PTPRJ: variants seen among roughly 807,000 people sequenced by gnomAD.
PTPRJ encodes receptor-type tyrosine-protein phosphatase eta.
Under a neutral mutation model 141.3 loss-of-function variants are expected in PTPRJ, and 129 were observed. The ratio of observed to expected loss-of-function variants is 0.91; its 90% CI spans 0.79 to 1.06. PTPRJ has a LOEUF of 1.06. PTPRJ is among the 50% of genes least tolerant of loss of function. The pLI is 0.00. For synonymous variants in PTPRJ, 610 were observed against 640.5 expected (o/e 0.95, Z 0.72); for missense variants, 1,601 against 1,679.7 (o/e 0.95, Z 0.82).
chr11:48,164,925 C>T (rs899231034), intron 24 of PTPRJ, among the ~76,000 whole-genome samples: 2 of 152,132 alleles, frequency 1.3e-5, no homozygotes, highest in Non-Finnish European at 2.9e-5. Flanking sequence ...AATATGTCAC[C>T]CTTCCAGATC....
In PTPRJ at chr11:48,144,899, G is replaced by T; in HGVS notation, c.2786+14G>T. ...GGGCTCCTACCGGTAATGTCTTCTG[G>T]TTCTTACTCTTTGGGGGCTGAGCCT... On this transcript the variant is annotated intron_variant, in intron 13 of 24. Transcript: ENST00000418331. 1 of 1,614,000 alleles carries T rather than the reference G, an allele frequency of 6.2e-7. No individual in the cohort carries two copies. Among genetic ancestry groups the T allele is most frequent in the Non-Finnish European group, 8.5e-7 (1 of 1,179,946 alleles).
intron 1 of PTPRJ, among the ~76,000 whole-genome samples, chr11:48,035,806 A>G (rs1854110720): frequency 1.3e-5 from 2 of 152,182 alleles, no homozygotes; most frequent in Non-Finnish European, 2.9e-5. Context: ...GAATTAGAGC[A>G]TGGAATTAAG....
chr11:48,087,002 G>GTAA (rs955765181), intron 1 of PTPRJ, among the ~76,000 whole-genome samples: 68 of 152,118 alleles, frequency 4.5e-4, no homozygotes, highest in African/African-American at 1.5e-3. Context: ...TGACTCAATA[G>GTAA]TAATAATAAT....
At chr11:48,049,619 C>CA (rs1211089541) in intron 1 of PTPRJ, among the ~76,000 whole-genome samples, 1 of 149,290 alleles carries the variant, frequency 6.7e-6, no homozygotes, top group Admixed American at 6.7e-5. Flanking sequence ...GAGGCTGAGG[C>CA]AGGAGAATCG....
rs778137434 is a variant in PTPRJ at position 48,121,173 on chromosome 11, G to A, written c.523G>A (p.Gly175Ser). ...VVHQPWCNIT[G>S]LRPATSYVFS... ...GCATCAACCATGGTGTAACATCACA[G>A]GCTTACGTCCAGCGACTTCATATGT... Residue 175 changes from glycine (G) to serine (S), a missense_variant, in exon 4 of 25, where the codon GGC (glycine) becomes AGC (serine). Gly to Ser is a moderately conservative substitution (Grantham distance 56). Coordinates refer to ENST00000418331, the MANE Select transcript of PTPRJ (RefSeq NM_002843.4). The A allele has an allele frequency of 1.2e-6, 2 of 1,614,120 alleles. No individual in the cohort carries two copies. Among genetic ancestry groups the A allele is most frequent in the Admixed American group, 3.3e-5 (2 of 60,020 alleles).
chr11:48,078,051 T>TC (rs920217203), intron 1 of PTPRJ, among the ~76,000 whole-genome samples: 153 of 152,122 alleles, frequency 1.0e-3, no homozygotes, highest in African/African-American at 3.5e-3. Context: ...TCAGTGTTTT[T>TC]TTTTTCTTTT....
intron 1 of PTPRJ, among the ~76,000 whole-genome samples, chr11:48,076,644 G>A (rs1261813579): frequency 6.6e-6 from 1 of 152,106 alleles, no homozygotes; most frequent in Admixed American, 6.5e-5. Flanking sequence ...TGTAGGAATT[G>A]GCATCAATGG....
At chr11:48,092,294 CAA>C (rs3971621) in intron 1 of PTPRJ, among the ~76,000 whole-genome samples, 2,605 of 46,768 alleles carry the variant, frequency 0.056, 5 homozygotes, top group Middle Eastern at 0.075. Flanking sequence ...GATTTCATCT[CAA>C]AAAAAAAAAA....
rs1483178377 is a variant in PTPRJ, at chr11:47,980,631, T to G, written c.-282T>G. The G allele has an allele frequency of 2.0e-6, 2 of 982,618 alleles. No individual in the cohort carries two copies. The highest frequency in any genetic ancestry group is 2.4e-6 in the Non-Finnish European group (2 of 829,558). The allele number at this position is 982,618 out of a possible 1,614,324, so 60.9% of individuals were successfully genotyped here. ...GAGCCGGGACCGGGTAGCCGCGCGC[T>G]GGGGGTGGGCGCCGCTCGCTCCGCC... On this transcript the variant is annotated 5_prime_UTR_variant, in exon 1 of 25. Transcript: ENST00000418331.
chr11:48,077,838 T>A (rs1187525666), intron 1 of PTPRJ, among the ~76,000 whole-genome samples: 1 of 152,240 alleles, frequency 6.6e-6, no homozygotes, highest in East Asian at 1.9e-4. Flanking sequence ...TCCAGCGATT[T>A]GTAACCTTGT....
intron 1 of PTPRJ, among the ~76,000 whole-genome samples, chr11:48,045,889 G>A (rs1368448424): frequency 3.3e-5 from 5 of 152,254 alleles, no homozygotes; most frequent in South Asian, 4.1e-4. Context: ...CCTCCTGATC[G>A]TGTTCAACCA....
At chr11:48,020,801 T>G (rs1001316273) in intron 1 of PTPRJ, among the ~76,000 whole-genome samples, 2 of 152,066 alleles carry the variant, frequency 1.3e-5, no homozygotes, top group African/African-American at 4.8e-5. Flanking sequence ...GATGGGCAAA[T>G]GCACTAAGAA....
chr11:48,082,588 G>A (rs564838112), intron 1 of PTPRJ, among the ~76,000 whole-genome samples: 1 of 145,736 alleles, frequency 6.9e-6, no homozygotes, highest in African/African-American at 2.5e-5. Flanking sequence ...TAGAGACAGG[G>A]TCTCATTATG....
chr11:48,068,824 T>G (rs1339395014), intron 1 of PTPRJ, among the ~76,000 whole-genome samples: 1 of 152,206 alleles, frequency 6.6e-6, no homozygotes, highest in Non-Finnish European at 1.5e-5. Context: ...TTTGCTCATG[T>G]GTGAAATGTA....
Position 48,144,845 on chromosome 11 carries a change from G to A in PTPRJ, c.2746G>A (p.Gly916Ser). ...CGTTGGGAATGAGTCAACCACACTT[G>A]GTTATTACAATGGGAAGCTGGAACC... ...IDVGNESTTL[G>S]YYNGKLEPLG... The change falls in exon 13 of 25, where the codon GGT (glycine) becomes AGT (serine). Residue 916 changes from glycine to serine, a missense_variant. Physicochemically the swap from Gly to Ser is moderately conservative, Grantham distance 56. Coordinates refer to ENST00000418331, the MANE Select transcript of PTPRJ (RefSeq NM_002843.4). 6.2e-7 allele frequency: 1 copy of A among 1,614,160 alleles called. No homozygotes were observed. The highest frequency in any genetic ancestry group is 8.5e-7 in the Non-Finnish European group (1 of 1,180,012).
In PTPRJ at chr11:48,008,013, G is replaced by A. The variant is rs79636261; in HGVS notation, c.96+27005G>A. Among the ~76,000 whole-genome samples, 619 of 152,300 alleles carry A rather than the reference G, an allele frequency of 4.1e-3. 4 individuals are homozygous for A. Among genetic ancestry groups the A allele is most frequent in the African/African-American group, 0.014 (597 of 41,568 alleles). Reference sequence around the variant, plus strand: ...CCCGACACTAAAGATACAGTGGTGAGCACACAGGGTATTCAGTAACGTATC... The same window carrying A: ...CCCGACACTAAAGATACAGTGGTGAACACACAGGGTATTCAGTAACGTATC... On this transcript the variant is annotated intron_variant, in intron 1 of 24. Coordinates refer to ENST00000418331, the MANE Select transcript of PTPRJ (RefSeq NM_002843.4).
chr11:48,024,229 A>G (rs893599362), intron 1 of PTPRJ, among the ~76,000 whole-genome samples: 3 of 151,878 alleles, frequency 2.0e-5, no homozygotes, highest in African/African-American at 7.3e-5. Flanking sequence ...ATGGAGTCTC[A>G]CTCTGACGAC....
At chr11:48,093,949 A>G (rs1855937407) in intron 1 of PTPRJ, among the ~76,000 whole-genome samples, 1 of 152,234 alleles carries the variant, frequency 6.6e-6, no homozygotes, top group Admixed American at 6.5e-5. Flanking sequence ...GGTTGGAGAA[A>G]GCCCAGCATT....
At chr11:48,102,700 AG>A (rs1157364989) in intron 1 of PTPRJ, among the ~76,000 whole-genome samples, 1 of 152,084 alleles carries the variant, frequency 6.6e-6, no homozygotes, top group Non-Finnish European at 1.5e-5. Flanking sequence ...TACAAGTGTG[AG>A]CCACTGCACC....
Sources: gnomAD v4.1 joint callset for allele counts (sites outside exome capture counted in the v4.1 genomes callset) on GRCh38, gnomAD v4.1.1 for gene constraint, MANE v1.5 for transcripts, NCBI Gene and HGNC (gene_info 2026-07-23, HGNC 2026-07-21) for gene names.